OR6Y1: variants seen among roughly 807,000 people sequenced by gnomAD.
OR6Y1 encodes the protein olfactory receptor family 6 subfamily Y member 1.
Under a neutral mutation model 0.4 loss-of-function variants are expected in OR6Y1, and 1 was observed. That is an observed-to-expected ratio of 2.74 (90% CI 0.97 to 13.02). The LOEUF (loss-of-function observed/expected upper bound fraction) is 13.02. OR6Y1 is among the 30% of genes most tolerant of loss of function. OR6Y1 has a pLI of 0.12. For synonymous variants in OR6Y1, 173 were observed against 141.1 expected, an observed-to-expected ratio of 1.23 and a Z score of -1.60; for missense variants, 480 against 399.8, an observed-to-expected ratio of 1.20 and a Z score of -1.71.
In OR6Y1 at chr1:158,547,586, A is replaced by C. The variant is rs138641596; in HGVS notation, c.520T>G (p.Cys174Gly). The C allele has an allele frequency of 6.2e-7, 1 of 1,613,336 alleles. No homozygotes were observed. Among genetic ancestry groups the C allele is most frequent in the South Asian group, 1.1e-5 (1 of 91,050 alleles). The change falls in exon 2 of 2, where the codon TGT becomes GGT. Residue 174 changes from cysteine (C) to glycine (G), a missense_variant. By Grantham distance (159) the Cys-to-Gly change is radical. Transcript: ENST00000641622. Reference sequence around the variant, plus strand: ...TAGTGATTGATCTGAGGCATGCCACAGTAGTGAAGTTGTGCTATAAAAACC... The same window carrying C: ...TAGTGATTGATCTGAGGCATGCCACCGTAGTGAAGTTGTGCTATAAAAACC... ...KMVFIAQLHY[C>G]GMPQINHYFC...
In OR6Y1 at chr1:158,548,673, A is replaced by C. The variant is rs16840315; in HGVS notation, c.-568T>G. 0.013 allele frequency: 1,942 copies of C among 152,542 alleles called. 86 individuals carry two copies. Among genetic ancestry groups the C allele is most frequent in the African/African-American group, 0.044 (1,827 of 41,180 alleles). The allele number at this position is 152,542 out of a possible 1,614,324, so 9.4% of individuals were successfully genotyped here. On this transcript the variant is annotated 5_prime_UTR_variant, in exon 2 of 2. The change abolishes the stop of an existing upstream ORF in the 5' untranslated region. Coordinates refer to ENST00000641622, the MANE Select transcript of OR6Y1 (RefSeq NM_001005189.2). ...AAAATCAGGTTTGATGCAATTATTC[A>C]CCAGCTTTTCAGAGAACAAAATTGA...
chr1:158,553,348 C>T (rs1647748462), intron 1 of OR6Y1, among the ~76,000 whole-genome samples: 1 of 152,052 alleles, frequency 6.6e-6, no homozygotes, highest in African/African-American at 2.4e-5. Flanking sequence ...TTCTATAGCA[C>T]TGTAGGATGA....
Position 158,547,984 on chromosome 1 carries a change from A to G in OR6Y1, c.122T>C (p.Leu41Pro). ...LFFSIFLATY[L>P]LTLLENLLII... ...AAGAAGATTCTCCAGCAGTGTCAGC[A>G]GATAGGTTGCCAGGAAAATGGAGAA... The change falls in exon 2 of 2, where the codon CTG becomes CCG. Residue 41 changes from leucine to proline, a missense_variant. Physicochemically the swap from Leu to Pro is moderately conservative, Grantham distance 98. Transcript: ENST00000641622. 1 of 1,613,590 alleles carries G rather than the reference A, an allele frequency of 6.2e-7. No homozygotes were observed. Among genetic ancestry groups the G allele is most frequent in the Non-Finnish European group, 8.5e-7 (1 of 1,180,000 alleles).
At position 158,545,845 on chromosome 1, in the gene OR6Y1, G is replaced by C. The variant is rs1281737962; in HGVS notation, c.*1283C>G. The C allele has an allele frequency of 6.6e-6, 1 of 151,996 alleles. No individual in the cohort carries two copies. Among genetic ancestry groups the C allele is most frequent in the African/African-American group, 2.4e-5 (1 of 41,378 alleles). 9.4% of individuals were successfully genotyped at this position (151,996 alleles called of 1,614,324 possible). A position where few individuals can be genotyped will look rare whatever the true frequency, so the allele number is the denominator to read the frequency against. ...GTTTTTTAATATCTTTTTAAAAATTGCTGAGGTTTATTGGCTCCAGTATTA... is the reference window on the plus strand; with the variant it reads ...GTTTTTTAATATCTTTTTAAAAATTCCTGAGGTTTATTGGCTCCAGTATTA... On this transcript the variant is annotated 3_prime_UTR_variant, in exon 2 of 2. Coordinates refer to ENST00000641622, the MANE Select transcript of OR6Y1 (RefSeq NM_001005189.2).
chr1:158,553,823 G>A lies in OR6Y1; in HGVS notation c.-1433+443C>T, dbSNP rs979641292. Among the ~76,000 whole-genome samples, 3 of 152,140 alleles carry A rather than the reference G, an allele frequency of 2.0e-5. No homozygotes were observed. In the East Asian group the frequency reaches 5.8e-4, roughly 29 times the overall value. On this transcript the variant is annotated intron_variant, in intron 1 of 1. Coordinates refer to ENST00000641622, the MANE Select transcript of OR6Y1 (RefSeq NM_001005189.2). Reference sequence around the variant, plus strand: ...TGGAATCTGTGCTTTGAAAGGCAGAGTTGGGCAGATGCATTAATTTGAGGC... The same window carrying A: ...TGGAATCTGTGCTTTGAAAGGCAGAATTGGGCAGATGCATTAATTTGAGGC...
rs1439260147 is a variant in OR6Y1, at chr1:158,548,093, T to A, written c.13A>T (p.Ile5Phe). The change falls in exon 2 of 2, where the codon ATT becomes TTT. Residue 5 changes from isoleucine to phenylalanine, a missense_variant. Coordinates refer to ENST00000641622, the MANE Select transcript of OR6Y1 (RefSeq NM_001005189.2). The part of the protein sequence containing the change: MTTI[I>F]LEVDNHTVTT... ...ACTGTATGATTATCTACTTCCAGAATTATGGTGGTCATGACTGGCTGTGGG... is the reference window on the plus strand; with the variant it reads ...ACTGTATGATTATCTACTTCCAGAAATATGGTGGTCATGACTGGCTGTGGG... The A allele has an allele frequency of 6.2e-7, 1 of 1,612,296 alleles. No individual in the cohort carries two copies. Among genetic ancestry groups the A allele is most frequent in the Non-Finnish European group, 8.5e-7 (1 of 1,179,572 alleles).
chr1:158,552,278 C>A lies in OR6Y1; in HGVS notation c.-1433+1988G>T, dbSNP rs1571332242. Among the ~76,000 whole-genome samples the A allele has an allele frequency of 2.0e-5, 3 of 147,230 alleles. No individual in the cohort carries two copies. The South Asian group carries it at 6.4e-4, about 32-fold the overall frequency. ...TATATATATGGCCAGTTTATCGGTT[C>A]CCTAAAGTTTGTGATCATCCTCTTT... On this transcript the variant is annotated intron_variant, in intron 1 of 1. Transcript: ENST00000641622.
chr1:158,549,729 T>C (rs1208323761), intron 1 of OR6Y1, among the ~76,000 whole-genome samples, 192 bp from the exon 2 acceptor site: 1 of 151,780 alleles, frequency 6.6e-6, no homozygotes, highest in Non-Finnish European at 1.5e-5. Context: ...AACTTGTCCT[T>C]GCTCATTGCA....
In OR6Y1 at chr1:158,546,343, A is replaced by C. The variant is rs1477900986; in HGVS notation, c.*785T>G. 3 of 152,208 alleles carry C rather than the reference A, an allele frequency of 2.0e-5. No individual in the cohort carries two copies. Among genetic ancestry groups the C allele is most frequent in the African/African-American group, 7.2e-5 (3 of 41,462 alleles). 9.4% of individuals were successfully genotyped at this position (152,208 alleles called of 1,614,324 possible). ...ACTACCTATTTTTAAAATTATGTTT[A>C]TATACTTAACTTGTTTTTCCATTGA... is the stretch of plus-strand genomic sequence containing the variant. On this transcript the variant is annotated 3_prime_UTR_variant, in exon 2 of 2. Transcript: ENST00000641622.
In OR6Y1 at chr1:158,547,220, A is replaced by G. The variant is rs1306760128; in HGVS notation, c.886T>C (p.Cys296Arg). ...IVPLLNPIIY[C>R]LRNHEVKAAL... ...GCCTTTACTTCATGGTTCCTCAGAC[A>G]GTAAATGATGGGGTTGAGGAGTGGA... The change falls in exon 2 of 2, where the codon TGT becomes CGT. Residue 296 changes from cysteine to arginine, a missense_variant. Cys to Arg is a radical substitution (Grantham distance 180). Coordinates refer to ENST00000641622, the MANE Select transcript of OR6Y1 (RefSeq NM_001005189.2). 1.2e-6 allele frequency: 2 copies of G among 1,613,560 alleles called. No homozygotes were observed. Among genetic ancestry groups the G allele is most frequent in the African/African-American group, 1.3e-5 (1 of 74,538 alleles).
At chr1:158,549,829 A>G (rs889929574) in intron 1 of OR6Y1, among the ~76,000 whole-genome samples, 3 of 111,808 alleles carry the variant, frequency 2.7e-5, no homozygotes, top group Non-Finnish European at 5.6e-5. Context: ...ATCCTGATTT[A>G]AAAAAATATC....
In OR6Y1 at chr1:158,547,740, G is replaced by A; in HGVS notation, c.366C>T (p.Ile122=). Residue 122 remains isoleucine, a synonymous_variant, in exon 2 of 2, where the codon ATC becomes ATT. Coordinates refer to ENST00000641622, the MANE Select transcript of OR6Y1 (RefSeq NM_001005189.2). The part of the protein sequence containing the change: ...FVCTEYILLA[I]MAFDRYVAIC... ...TGGCTACATAGCGGTCAAAGGCCAT[G>A]ATAGCAAGAAGGATGTACTCAGTGC... The A allele has an allele frequency of 1.2e-6, 2 of 1,613,590 alleles. No individual in the cohort carries two copies. Among genetic ancestry groups the A allele is most frequent in the Non-Finnish European group, 1.7e-6 (2 of 1,180,016 alleles).
rs1342751858 is a variant in OR6Y1 at position 158,545,148 on chromosome 1, C to T, written c.*1980G>A. 1 of 151,996 alleles carries T rather than the reference C, an allele frequency of 6.6e-6. No individual in the cohort carries two copies. 9.4% of individuals were successfully genotyped at this position (151,996 alleles called of 1,614,324 possible). ...CATAGATTGAACTAATATACACTCC[C>T]AACAACATTGAATACGTGTTCCTTT... On this transcript the variant is annotated 3_prime_UTR_variant, in exon 2 of 2. Transcript: ENST00000641622.
At position 158,547,774 on chromosome 1, in the gene OR6Y1, G is replaced by A; in HGVS notation, c.332C>T (p.Thr111Ile). 1 of 1,613,470 alleles carries A rather than the reference G, an allele frequency of 6.2e-7. No homozygotes were observed. The change falls in exon 2 of 2, where the codon ACC (threonine) becomes ATC (isoleucine). Residue 111 changes from threonine to isoleucine, a missense_variant. Coordinates refer to ENST00000641622, the MANE Select transcript of OR6Y1 (RefSeq NM_001005189.2). The part of the protein sequence containing the change: ...GCMTQLYFFV[T>I]FVCTEYILLA... The stretch of plus-strand genomic sequence containing the variant: ...AAGGATGTACTCAGTGCAGACAAAG[G>A]TCACAAAAAAGTAAAGTTGAGTCAT...
In OR6Y1 at chr1:158,547,131, A is replaced by T. The variant is rs1251301442; in HGVS notation, c.975T>A (p.Ser325Arg). ...CTGAAAGGAATCTATACATTTTTTA[A>T]CTACTGAAAGCCCCATTTCCCTGGG... ...SGPQGNGAFS[S>R] is the part of the protein sequence containing the mutation. The change falls in exon 2 of 2, where the codon AGT becomes AGA. Residue 325 changes from serine to arginine, a missense_variant. Coordinates refer to ENST00000641622, the MANE Select transcript of OR6Y1 (RefSeq NM_001005189.2). 6.2e-7 allele frequency: 1 copy of T among 1,609,384 alleles called. No individual in the cohort carries two copies. Among genetic ancestry groups the T allele is most frequent in the South Asian group, 1.1e-5 (1 of 90,444 alleles).
At chr1:158,553,480 G>A (rs1302456809) in intron 1 of OR6Y1, among the ~76,000 whole-genome samples, 1 of 151,994 alleles carries the variant, frequency 6.6e-6, no homozygotes, top group Non-Finnish European at 1.5e-5. Context: ...TAATTACTCT[G>A]ATCTGATCAT....
rs1473358826 is a variant in OR6Y1 at position 158,547,073 on chromosome 1, GA to G, written c.*54del. Reference sequence around the variant, plus strand: ...GATAACCAAAGACAAGACTGAGGGGGAAAGTGTGTAGTGATCATCTCTCAGT... The same window carrying G: ...GATAACCAAAGACAAGACTGAGGGGGAAGTGTGTAGTGATCATCTCTCAGT... On this transcript the variant is annotated 3_prime_UTR_variant, in exon 2 of 2. Coordinates refer to ENST00000641622, the MANE Select transcript of OR6Y1 (RefSeq NM_001005189.2). 2 of 1,530,592 alleles carry G rather than the reference GA, an allele frequency of 1.3e-6. No homozygotes were observed. The highest frequency in any genetic ancestry group is 3.7e-5 in the Admixed American group (2 of 53,574). 94.8% of individuals were successfully genotyped at this position (1,530,592 alleles called of 1,614,324 possible). A position where few individuals can be genotyped will look rare whatever the true frequency, so the allele number is the denominator to read the frequency against.
Position 158,551,823 on chromosome 1 carries a change from G to A in OR6Y1, c.-1432-2286C>T, listed in dbSNP as rs369010627. Among the ~76,000 whole-genome samples, 74 of 151,376 alleles carry A rather than the reference G, an allele frequency of 4.9e-4. No homozygotes were observed. The South Asian group carries it at 0.014, about 29-fold the overall frequency. On this transcript the variant is annotated intron_variant, in intron 1 of 1. Transcript: ENST00000641622. ...CCTTCAGCTCTAGAAACACAGGATTGTAGGACTGCAAAGAACCTGAGAGGT... is the reference window on the plus strand; with the variant it reads ...CCTTCAGCTCTAGAAACACAGGATTATAGGACTGCAAAGAACCTGAGAGGT...
rs757470010 is a variant in OR6Y1 at position 158,547,574 on chromosome 1, G to C, written c.532C>G (p.Gln178Glu). ...ATATCACAAAAGTAGTGATTGATCTGAGGCATGCCACAGTAGTGAAGTTGT... is the reference window on the plus strand; with the variant it reads ...ATATCACAAAAGTAGTGATTGATCTCAGGCATGCCACAGTAGTGAAGTTGT... ...IAQLHYCGMP[Q>E]INHYFCDISP... Residue 178 changes from glutamine (Q) to glutamate (E), a missense_variant, in exon 2 of 2, where the codon CAG becomes GAG. Physicochemically the swap from Gln to Glu is conservative, Grantham distance 29. Transcript: ENST00000641622. The C allele has an allele frequency of 6.2e-7, 1 of 1,613,292 alleles. No homozygotes were observed. Among genetic ancestry groups the C allele is most frequent in the Non-Finnish European group, 8.5e-7 (1 of 1,179,918 alleles).
Sources: allele counts gnomAD v4.1 joint callset (sites outside exome capture counted in the v4.1 genomes callset), GRCh38; gene constraint gnomAD v4.1.1; transcripts MANE v1.5; gene names NCBI Gene and HGNC (gene_info 2026-07-23, HGNC 2026-07-21).